The following CSMD3 variants were observed in gnomAD, a reference collection of about 807,000 sequenced individuals.
CSMD3 encodes the protein CUB and Sushi multiple domains 3.
Under a neutral mutation model 435.2 loss-of-function variants are expected in CSMD3, and 177 were observed. That is an observed-to-expected ratio of 0.41 (90% CI 0.36 to 0.46). The LOEUF (loss-of-function observed/expected upper bound fraction) is 0.46, where lower values mean the gene tolerates loss of function less well. Among genes scored for constraint, CSMD3 ranks in the 20% least tolerant of loss-of-function variants. CSMD3 has a pLI of 0.34. For missense variants in CSMD3, 4,265 were observed against 4,504.6 expected, an observed-to-expected ratio of 0.95 and a Z score of 1.52; for synonymous variants, 1,656 against 1,520.5, an observed-to-expected ratio of 1.09 and a Z score of -2.07.
At chr8:112,590,610 C>A (rs911897076) in intron 22 of CSMD3, among the ~76,000 whole-genome samples, 21 of 151,998 alleles carry the variant, frequency 1.4e-4, no homozygotes, top group African/African-American at 5.1e-4. Context: ...ATGGAGAAGT[C>A]ATTAGGTGTG....
chr8:113,328,264 C>G (rs1364276878), intron 1 of CSMD3, among the ~76,000 whole-genome samples: 4 of 151,082 alleles, frequency 2.6e-5, no homozygotes, highest in African/African-American at 9.8e-5. Context: ...CGGTGAAACC[C>G]CGTCTCTACT....
rs560208886 is a variant in CSMD3 at position 112,506,618 on chromosome 8, T to C, written c.4895+73A>G. 185 of 1,389,358 alleles carry C rather than the reference T, an allele frequency of 1.3e-4. No individual in the cohort carries two copies. The East Asian group carries it at 4.2e-3, about 31-fold the overall frequency. The allele number at this position is 1,389,358 out of a possible 1,614,324, so 86.1% of individuals were successfully genotyped here. On this transcript the variant is annotated intron_variant, in intron 29 of 70. Transcript: ENST00000297405. The stretch of plus-strand genomic sequence containing the variant: ...CTATATACAGAAATAGGAATTAGTC[T>C]AGTACAAATGCTAAAGCAAAATGGC...
At chr8:112,937,392 C>T (rs1159729905) in intron 9 of CSMD3, among the ~76,000 whole-genome samples, 1 of 150,148 alleles carries the variant, frequency 6.7e-6, no homozygotes, top group African/African-American at 2.5e-5. Context: ...TCTCTGTCGC[C>T]TAATTTGGAG....
intron 4 of CSMD3, among the ~76,000 whole-genome samples, chr8:113,149,820 C>A (rs1449990306): frequency 6.6e-6 from 1 of 152,012 alleles, no homozygotes; most frequent in East Asian, 2.0e-4. Flanking sequence ...CATCTGTGAG[C>A]TGAATCAAGT....
At chr8:112,617,655 A>T (rs1833762815) in intron 22 of CSMD3, among the ~76,000 whole-genome samples, 1 of 152,172 alleles carries the variant, frequency 6.6e-6, no homozygotes, top group Non-Finnish European at 1.5e-5. Context: ...ATACAGGTTA[A>T]CTATCTTTTG....
At chr8:113,274,353 T>A (rs941014006) in intron 3 of CSMD3, among the ~76,000 whole-genome samples, 1 of 152,106 alleles carries the variant, frequency 6.6e-6, no homozygotes, top group African/African-American at 2.4e-5. Flanking sequence ...ACTGTATAAC[T>A]CATTCTGGAT....
At chr8:113,137,178 T>C (rs2091437658) in intron 4 of CSMD3, among the ~76,000 whole-genome samples, 2 of 151,652 alleles carry the variant, frequency 1.3e-5, no homozygotes, top group Admixed American at 1.3e-4. Context: ...AGTTCTCAGT[T>C]GTAATATCAA....
Position 112,265,565 on chromosome 8 carries a change from T to C in CSMD3, c.9534A>G (p.Ile3178Met), listed in dbSNP as rs774820095. 7 of 1,613,122 alleles carry C rather than the reference T, an allele frequency of 4.3e-6. No homozygotes were observed. The East Asian group carries it at 6.7e-5, about 15-fold the overall frequency. Residue 3178 changes from isoleucine (I) to methionine (M), a missense_variant, in exon 60 of 71, where the codon ATA becomes ATG. Ile to Met is a conservative substitution (Grantham distance 10). This residue lies in a region of CSMD3 where 3,255 missense variants were observed against 3,380.2 expected (regional missense o/e 0.96). Coordinates refer to ENST00000297405, the MANE Select transcript of CSMD3 (RefSeq NM_198123.2). ...CTCCATATCTCAGTCCATTGGCTGG[T>C]ATACCTGGGTCTCCACAACTGATTA... ...CTIISCGDPG[I>M]PANGLRYGDD...
intron 17 of CSMD3, 142 bp downstream of exon 17, chr8:112,666,135 G>A: frequency 1.4e-6 from 1 of 713,380 alleles, no homozygotes; most frequent in Non-Finnish European, 2.5e-6. Flanking sequence ...GGTTAAAAGG[G>A]GGCAAACAGA....
intron 2 of CSMD3, among the ~76,000 whole-genome samples, chr8:113,296,647 T>C (rs1424277951): frequency 6.6e-6 from 1 of 152,148 alleles, no homozygotes; most frequent in African/African-American, 2.4e-5. Context: ...AGAAGAACAA[T>C]AGAATTGACC....
rs375707561 is a variant in CSMD3, at chr8:113,419,563, G to A, written c.178+17114C>T. ...AGAAAGGGCTATTGATAAAAAGATG[G>A]TGCATATTAGAGTCCTTGGGTCTGG... On this transcript the variant is annotated intron_variant, in intron 1 of 70. Coordinates refer to ENST00000297405, the MANE Select transcript of CSMD3 (RefSeq NM_198123.2). Among the ~76,000 whole-genome samples the A allele has an allele frequency of 2.2e-4, 34 of 152,208 alleles. No homozygotes were observed. The South Asian group carries it at 6.8e-3, about 31-fold the overall frequency.
chr8:112,701,584 A>ATG (rs1434687584), intron 13 of CSMD3, among the ~76,000 whole-genome samples: 7 of 152,072 alleles, frequency 4.6e-5, no homozygotes, highest in African/African-American at 1.7e-4. Flanking sequence ...AAGGGAAAGG[A>ATG]TGGTCATATT....
chr8:112,340,561 C>G (rs191012600), intron 42 of CSMD3, among the ~76,000 whole-genome samples: 1 of 152,042 alleles, frequency 6.6e-6, no homozygotes, highest in Non-Finnish European at 1.5e-5. Context: ...AAAAGCATTA[C>G]ATAAAGTCCT....
At chr8:112,649,797 C>T (rs1723788741) in intron 19 of CSMD3, among the ~76,000 whole-genome samples, 1 of 152,156 alleles carries the variant, frequency 6.6e-6, no homozygotes, top group Admixed American at 6.5e-5. Flanking sequence ...TGTTGCCATT[C>T]AAGGCAGGAA....
At chr8:112,914,466 ACTATTTACCT>A (rs1039246503) in intron 10 of CSMD3, among the ~76,000 whole-genome samples, 5 of 151,662 alleles carry the variant, frequency 3.3e-5, no homozygotes, top group African/African-American at 1.2e-4. Flanking sequence ...GGATGTTGAC[ACTATTTACCT>A]AGCTCCACAA....
At chr8:112,261,891 ATT>A (rs983283608) in intron 61 of CSMD3, among the ~76,000 whole-genome samples, 15 of 151,600 alleles carry the variant, frequency 9.9e-5, no homozygotes, top group African/African-American at 3.6e-4. Flanking sequence ...TTTTTCTTGT[ATT>A]GCCTTTTTTA....
intron 42 of CSMD3, among the ~76,000 whole-genome samples, chr8:112,338,865 T>C (rs1218437247): frequency 6.6e-6 from 1 of 152,122 alleles, no homozygotes; most frequent in Non-Finnish European, 1.5e-5. Context: ...AATATATTAT[T>C]CTATTAAATA....
chr8:112,566,116 A>G (rs915153502), intron 24 of CSMD3, among the ~76,000 whole-genome samples: 3 of 151,412 alleles, frequency 2.0e-5, no homozygotes, highest in African/African-American at 7.3e-5. Context: ...ATATATAAAT[A>G]TATAACACTT....
At chr8:113,427,684 T>C (rs2094644085) in intron 1 of CSMD3, among the ~76,000 whole-genome samples, 2 of 151,584 alleles carry the variant, frequency 1.3e-5, no homozygotes, top group Non-Finnish European at 1.5e-5. Context: ...ACTTTGTGAA[T>C]GGAACTTGGA....
Sources: allele counts gnomAD v4.1 joint callset (sites outside exome capture counted in the v4.1 genomes callset), GRCh38; gene constraint gnomAD v4.1.1; regional missense constraint gnomAD v4.1.1; transcripts MANE v1.5; gene names NCBI Gene and HGNC (gene_info 2026-07-23, HGNC 2026-07-21).